Variants in PDE4D observed in about 807,000 individuals in gnomAD.
PDE4D encodes the protein 3',5'-cyclic-AMP phosphodiesterase 4D.
PDE4D carries 24 observed loss-of-function variants against 87.4 expected under a neutral mutation model. That is an observed-to-expected ratio of 0.27 (90% CI 0.20 to 0.39). PDE4D has a LOEUF of 0.39. Ranked by LOEUF, PDE4D falls within the 10% of genes least tolerant of loss-of-function variation. The probability of loss-of-function intolerance (pLI) is 1.00; values close to 1 mark genes in which losing one functional copy is unlikely to be tolerated. For missense variants in PDE4D, 714 were observed against 1,041.0 expected (o/e 0.69, Z 4.32); for synonymous variants, 384 against 383.2 (o/e 1.00, Z -0.02).
intron 1 of PDE4D, among the ~76,000 whole-genome samples, chr5:59,230,937 G>A (rs1755040741): frequency 6.6e-6 from 1 of 152,098 alleles, no homozygotes; most frequent in Non-Finnish European, 1.5e-5. Context: ...TCTTACGATG[G>A]CCATAAACAA....
At chr5:60,328,454 T>G (rs1445782255) in intron 1 of PDE4D, among the ~76,000 whole-genome samples, 1 of 151,376 alleles carries the variant, frequency 6.6e-6, no homozygotes, top group South Asian at 2.1e-4. Flanking sequence ...ATTATGTTTA[T>G]TATATTCATC....
chr5:60,385,577 A>T (rs1583592740), intron 1 of PDE4D, among the ~76,000 whole-genome samples: 1 of 152,234 alleles, frequency 6.6e-6, no homozygotes, highest in Non-Finnish European at 1.5e-5. Flanking sequence ...CAAGGCTCTC[A>T]TAAAATCCAA....
chr5:59,062,672 G>A (rs1489573112), intron 5 of PDE4D, among the ~76,000 whole-genome samples: 1 of 150,994 alleles, frequency 6.6e-6, no homozygotes, highest in East Asian at 2.0e-4. Context: ...TGCAAATGAG[G>A]TGGAATGTTT....
At chr5:59,368,689 T>G (rs1783472052) in intron 1 of PDE4D, among the ~76,000 whole-genome samples, 1 of 152,220 alleles carries the variant, frequency 6.6e-6, no homozygotes, top group East Asian at 1.9e-4. Flanking sequence ...AGAGTTGTGC[T>G]TTATGTGATA....
chr5:59,119,722 A>G (rs1051925957), intron 5 of PDE4D, among the ~76,000 whole-genome samples: 2 of 152,222 alleles, frequency 1.3e-5, no homozygotes, highest in African/African-American at 4.8e-5. Flanking sequence ...AGTAAAAATT[A>G]TCAGTAGAGG....
chr5:59,313,520 C>T (rs901937157), intron 1 of PDE4D, among the ~76,000 whole-genome samples: 1 of 152,080 alleles, frequency 6.6e-6, no homozygotes, highest in South Asian at 2.1e-4. Context: ...TGGACAAGAC[C>T]CAGCAAAGAA....
At chr5:60,296,103 T>C (rs192683244) in intron 1 of PDE4D, among the ~76,000 whole-genome samples, 25 of 152,270 alleles carry the variant, frequency 1.6e-4, no homozygotes, top group African/African-American at 6.0e-4. Flanking sequence ...AAACACCCCC[T>C]AGAGGCCTCA....
intron 1 of PDE4D, among the ~76,000 whole-genome samples, chr5:59,698,905 T>C (rs1752184139): frequency 6.6e-6 from 1 of 152,202 alleles, no homozygotes; most frequent in Non-Finnish European, 1.5e-5. Flanking sequence ...ACCTTAGCAG[T>C]TGCCTAATTT....
At chr5:59,790,394 T>A (rs1765653341) in intron 1 of PDE4D, among the ~76,000 whole-genome samples, 1 of 152,222 alleles carries the variant, frequency 6.6e-6, no homozygotes, top group Admixed American at 6.5e-5. Flanking sequence ...TCGGGCTTCA[T>A]GTGAAACTAA....
chr5:59,361,516 T>C (rs1460900916), intron 1 of PDE4D, among the ~76,000 whole-genome samples: 1 of 152,202 alleles, frequency 6.6e-6, no homozygotes, highest in Non-Finnish European at 1.5e-5. Flanking sequence ...TACTTAGCTA[T>C]TGACTGGTGA....
chr5:60,226,613 G>A (rs1271817091), intron 1 of PDE4D, among the ~76,000 whole-genome samples: 1 of 152,036 alleles, frequency 6.6e-6, no homozygotes, highest in African/African-American at 2.4e-5. Context: ...TTTTAATGCT[G>A]CAAGGAAGGT....
intron 3 of PDE4D, among the ~76,000 whole-genome samples, chr5:59,916,996 G>A (rs1754134054): frequency 7.7e-6 from 1 of 130,430 alleles, no homozygotes. Flanking sequence ...TAGAGAGGGG[G>A]TTTCATCATT....
chr5:59,727,116 G>A (rs1417139185), intron 1 of PDE4D, among the ~76,000 whole-genome samples: 1 of 152,030 alleles, frequency 6.6e-6, no homozygotes, highest in African/African-American at 2.4e-5. Context: ...ACTGTAGAAC[G>A]GTTCTTCCCT....
chr5:59,553,525 T>C (rs1160993315), intron 1 of PDE4D, among the ~76,000 whole-genome samples: 1 of 152,212 alleles, frequency 6.6e-6, no homozygotes, highest in Non-Finnish European at 1.5e-5. Flanking sequence ...TCCATGAAAT[T>C]TAAAAGCAGT....
chr5:59,559,875 C>A (rs1470224451), intron 1 of PDE4D, among the ~76,000 whole-genome samples: 1 of 152,162 alleles, frequency 6.6e-6, no homozygotes, highest in Non-Finnish European at 1.5e-5. Context: ...CCATTTTTCT[C>A]TCCAAAGCAC....
intron 2 of PDE4D, among the ~76,000 whole-genome samples, chr5:60,183,314 T>G (rs536020837): frequency 1.3e-5 from 2 of 152,320 alleles, no homozygotes; most frequent in African/African-American, 4.8e-5. Context: ...ATGCCTTGAT[T>G]TTATATTTAT....
At chr5:58,999,092 G>C (rs1749876974) in intron 6 of PDE4D, among the ~76,000 whole-genome samples, 1 of 152,132 alleles carries the variant, frequency 6.6e-6, no homozygotes. Context: ...GGTTAAAGTA[G>C]TATAGATTTT....
At chr5:59,847,531 T>C (rs901062031) in intron 1 of PDE4D, among the ~76,000 whole-genome samples, 1 of 152,082 alleles carries the variant, frequency 6.6e-6, no homozygotes, top group Admixed American at 6.6e-5. Flanking sequence ...CTTTCTTTTT[T>C]ACCAGTCAAA....
intron 2 of PDE4D, among the ~76,000 whole-genome samples, chr5:60,103,733 T>C (rs1776503951): frequency 6.6e-6 from 1 of 152,214 alleles, no homozygotes. Context: ...TAAATCATTC[T>C]ATCTGTCACT....
Sources: allele counts gnomAD v4.1 joint callset (sites outside exome capture counted in the v4.1 genomes callset), GRCh38; gene constraint gnomAD v4.1.1; transcripts MANE v1.5; gene names NCBI Gene and HGNC (gene_info 2026-07-23, HGNC 2026-07-21).